The following UBE2R2 variants were observed in gnomAD, a reference collection of about 807,000 sequenced individuals.
UBE2R2 encodes ubiquitin-conjugating enzyme E2 R2.
UBE2R2 carries 1 observed loss-of-function variant against 27.8 expected under a neutral mutation model. The ratio of observed to expected loss-of-function variants is 0.04; its 90% CI spans 0.01 to 0.17. UBE2R2 has a LOEUF of 0.17. UBE2R2 is among the 10% of genes least tolerant of loss of function. The pLI, the probability that UBE2R2 is intolerant of heterozygous loss-of-function variation, is 1.00. For missense variants in UBE2R2, 100 were observed against 291.0 expected (o/e 0.34, Z 4.78); for synonymous variants, 106 against 113.3 (o/e 0.94, Z 0.41).
At chr9:33,852,552 G>C (rs1254573220) in intron 1 of UBE2R2, among the ~76,000 whole-genome samples, 1 of 152,196 alleles carries the variant, frequency 6.6e-6, no homozygotes, top group Non-Finnish European at 1.5e-5. Flanking sequence ...GATTGGGCGA[G>C]GAGAATGCTG....
intron 1 of UBE2R2, among the ~76,000 whole-genome samples, chr9:33,873,457 T>C (rs1821532001): frequency 6.6e-6 from 1 of 152,080 alleles, no homozygotes; most frequent in Non-Finnish European, 1.5e-5. Flanking sequence ...GAATAAAAGG[T>C]TACTGCAGAA....
intron 2 of UBE2R2, among the ~76,000 whole-genome samples, chr9:33,892,142 C>T (rs930867425): frequency 6.6e-6 from 1 of 151,924 alleles, no homozygotes; most frequent in Non-Finnish European, 1.5e-5. Context: ...TTCTGCTTTG[C>T]GAATTTGTCA....
At chr9:33,915,658 A>G (rs999206925) in intron 4 of UBE2R2, among the ~76,000 whole-genome samples, 6 of 152,262 alleles carry the variant, frequency 3.9e-5, no homozygotes, top group Non-Finnish European at 8.8e-5. Flanking sequence ...TTGTTCATTC[A>G]TACAATCAGT....
intron 1 of UBE2R2, among the ~76,000 whole-genome samples, chr9:33,873,721 T>C (rs984503382): frequency 3.9e-5 from 6 of 151,998 alleles, no homozygotes; most frequent in African/African-American, 1.5e-4. Flanking sequence ...GCTCACTGCA[T>C]ACTTGACCTC....
chr9:33,843,485 G>GT lies in UBE2R2; in HGVS notation c.177+25562dup, dbSNP rs113355674. ...TTTTACTTCTTGTTTTAACTTTTTT[G>GT]TTTTTTTTTTTGAGATGGAGTCTGG... On this transcript the variant is annotated intron_variant, in intron 1 of 4. Coordinates refer to ENST00000263228, the MANE Select transcript of UBE2R2 (RefSeq NM_017811.4). 5.9e-3 allele frequency among the ~76,000 whole-genome samples: 862 copies of GT among 145,090 alleles called. 4 individuals are homozygous for GT. The highest frequency in any genetic ancestry group is 0.015 in the African/African-American group (600 of 39,914).
rs894668801 is a variant in UBE2R2, at chr9:33,912,104, G to T, written c.497+6G>T. The T allele has an allele frequency of 2.3e-6, 3 of 1,331,766 alleles. No homozygotes were observed. The highest frequency in any genetic ancestry group is 2.8e-5 in the South Asian group (2 of 70,292). 82.5% of individuals were successfully genotyped at this position (1,331,766 alleles called of 1,614,324 possible). A position where few individuals can be genotyped will look rare whatever the true frequency, so the allele number is the denominator to read the frequency against. On this transcript the variant is annotated splice_donor_region_variant and intron_variant, in intron 4 of 4. Transcript: ENST00000263228. The stretch of plus-strand genomic sequence containing the variant: ...GAATATGCTGAAATTATTAGGTAAG[G>T]TTTTTTTTTTTATTACCTCAAGTTA...
intron 1 of UBE2R2, among the ~76,000 whole-genome samples, chr9:33,877,823 G>GTCTGTCTGTCTGTCTGTCTGTCTCTCTC: frequency 9.2e-5 from 12 of 131,102 alleles, no homozygotes; most frequent in African/African-American, 4.0e-4. Flanking sequence ...CTGTCTGTCT[G>GTCTGTCTGTCTGTCTGTCTGTCTCTCTC]TCTCTCTCTC....
chr9:33,910,249 A>G (rs1034999265), intron 3 of UBE2R2, among the ~76,000 whole-genome samples: 5 of 152,086 alleles, frequency 3.3e-5, no homozygotes, highest in African/African-American at 1.2e-4. Flanking sequence ...TGCCCAAGCA[A>G]TTCTCTTGCC....
chr9:33,873,890 G>C (rs1432693598), intron 1 of UBE2R2, among the ~76,000 whole-genome samples: 2 of 151,976 alleles, frequency 1.3e-5, no homozygotes, highest in African/African-American at 2.4e-5. Flanking sequence ...CGATCCGCCT[G>C]CCTTGGCCTC....
rs566149058 is a variant in UBE2R2 at position 33,872,291 on chromosome 9, G to A, written c.178-14590G>A. 1.1e-4 allele frequency among the ~76,000 whole-genome samples: 16 copies of A among 152,028 alleles called. No homozygotes were observed. In the East Asian group the frequency reaches 2.9e-3, roughly 28 times the overall value. ...ACCTGTAGTTCCAGCTATTTGGGAG[G>A]CTGAGGCAGGAGATTCACTTGAGCC... On this transcript the variant is annotated intron_variant, in intron 1 of 4. Coordinates refer to ENST00000263228, the MANE Select transcript of UBE2R2 (RefSeq NM_017811.4).
intron 1 of UBE2R2, among the ~76,000 whole-genome samples, chr9:33,844,891 G>A (rs943233350): frequency 6.7e-6 from 1 of 149,288 alleles, no homozygotes; most frequent in African/African-American, 2.5e-5. Flanking sequence ...CTCACCCTCC[G>A]GAGTAGCTGG....
At chr9:33,854,574 G>A (rs549715578) in intron 1 of UBE2R2, among the ~76,000 whole-genome samples, 91 of 151,980 alleles carry the variant, frequency 6.0e-4, no homozygotes, top group African/African-American at 1.9e-3. Context: ...CGCCTGCTTC[G>A]GCCTCCCAAG....
At chr9:33,864,968 C>CAT (rs1460003134) in intron 1 of UBE2R2, among the ~76,000 whole-genome samples, 6 of 152,108 alleles carry the variant, frequency 3.9e-5, no homozygotes, top group African/African-American at 9.7e-5. Flanking sequence ...AGGTGATCTG[C>CAT]CCACCTTGGC....
At position 33,847,649 on chromosome 9, in the gene UBE2R2, G is replaced by A. The variant is rs1315711224; in HGVS notation, c.177+29715G>A. On this transcript the variant is annotated intron_variant, in intron 1 of 4. Transcript: ENST00000263228. ...CTCTCTCTCTTCTTCATTAACCTAC[G>A]TATAGTAGAATTTTTGACTATGTTC... 4.0e-5 allele frequency among the ~76,000 whole-genome samples: 6 copies of A among 151,150 alleles called. No individual in the cohort carries two copies. The South Asian group carries it at 1.0e-3, about 26-fold the overall frequency.
intron 1 of UBE2R2, among the ~76,000 whole-genome samples, chr9:33,855,316 T>G (rs1255713315): frequency 6.6e-6 from 1 of 152,212 alleles, no homozygotes; most frequent in Admixed American, 6.5e-5. Flanking sequence ...TGTTGGATTT[T>G]GGAACAGATG....
intron 1 of UBE2R2, among the ~76,000 whole-genome samples, chr9:33,832,688 A>G (rs1044553353): frequency 4.0e-5 from 6 of 151,790 alleles, no homozygotes; most frequent in Non-Finnish European, 7.4e-5. Flanking sequence ...AAAGAAAGAA[A>G]TTATTTAATA....
At chr9:33,906,105 C>CGTT (rs772322231) in intron 3 of UBE2R2, among the ~76,000 whole-genome samples, 1 of 138,394 alleles carries the variant, frequency 7.2e-6, no homozygotes, top group Non-Finnish European at 1.6e-5. Context: ...TCGTCGTCGT[C>CGTT]GTTGTTGCTG....
At chr9:33,818,378 T>TGGGGGG (rs1395339283) in intron 1 of UBE2R2, among the ~76,000 whole-genome samples, 1 of 3,216 alleles carries the variant, frequency 3.1e-4, no homozygotes, top group African/African-American at 1.2e-3. Context: ...GGGGTGGGGG[T>TGGGGGG]GGGGGTGGGG....
At position 33,822,607 on chromosome 9, in the gene UBE2R2, G is replaced by T. The variant is rs775017969; in HGVS notation, c.177+4673G>T. ...CTCGTTTTAATTTAAAAAAAAAATTGTTTATGCAGAAAGGGTCTCATAGGC... is the reference window on the plus strand; with the variant it reads ...CTCGTTTTAATTTAAAAAAAAAATTTTTTATGCAGAAAGGGTCTCATAGGC... On this transcript the variant is annotated intron_variant, in intron 1 of 4. Coordinates refer to ENST00000263228, the MANE Select transcript of UBE2R2 (RefSeq NM_017811.4). Among the ~76,000 whole-genome samples, 358 of 150,728 alleles carry T rather than the reference G, an allele frequency of 2.4e-3. 4 individuals are homozygous for T. The highest frequency in any genetic ancestry group is 3.4e-3 in the Middle Eastern group (1 of 290).
Sources: allele counts gnomAD v4.1 joint callset (sites outside exome capture counted in the v4.1 genomes callset), GRCh38; gene constraint gnomAD v4.1.1; transcripts MANE v1.5; gene names NCBI Gene and HGNC (gene_info 2026-07-23, HGNC 2026-07-21).